Variants in GIGYF2 observed in about 807,000 individuals in gnomAD.
The protein encoded by GIGYF2 is GRB10-interacting GYF protein 2.
Under a neutral mutation model 208.1 loss-of-function variants are expected in GIGYF2, and 25 were observed. The observed-to-expected ratio is 0.12, with a 90% CI of 0.09 to 0.17. GIGYF2 has a LOEUF of 0.17. GIGYF2 is among the 10% of genes least tolerant of loss of function. The probability of loss-of-function intolerance (pLI) is 1.00; values close to 1 mark genes in which losing one functional copy is unlikely to be tolerated. For synonymous variants in GIGYF2, 534 were observed against 543.8 expected (o/e 0.98, Z 0.25); for missense variants, 1,302 against 1,579.4 (o/e 0.82, Z 2.98).
At chr2:232,833,753 G>T (rs1454302580) in intron 22 of GIGYF2, among the ~76,000 whole-genome samples, 1 of 152,150 alleles carries the variant, frequency 6.6e-6, no homozygotes, top group Non-Finnish European at 1.5e-5. Flanking sequence ...ATATAGGCAT[G>T]TAAACGTTCA....
chr2:232,716,583 C>T (rs951623210), intron 2 of GIGYF2, among the ~76,000 whole-genome samples: 1 of 151,828 alleles, frequency 6.6e-6, no homozygotes, highest in African/African-American at 2.4e-5. Flanking sequence ...GGGGTTTCAC[C>T]ATGTTGGCTC....
intron 18 of GIGYF2, among the ~76,000 whole-genome samples, chr2:232,813,920 C>T (rs1035895943): frequency 2.2e-4 from 31 of 139,240 alleles, no homozygotes; most frequent in African/African-American, 8.2e-4. Flanking sequence ...CAGAGTCTTG[C>T]CGTGTTGCTG....
chr2:232,816,712 A>G (rs1700923656), intron 19 of GIGYF2, among the ~76,000 whole-genome samples, 159 bp from the exon 20 acceptor site: 2 of 152,324 alleles, frequency 1.3e-5, no homozygotes, highest in South Asian at 2.1e-4. Context: ...TTGTATGTAT[A>G]TAACATATTT....
At chr2:232,823,880 A>T (rs1369513890) in intron 21 of GIGYF2, among the ~76,000 whole-genome samples, 2 of 152,110 alleles carry the variant, frequency 1.3e-5, no homozygotes, top group Non-Finnish European at 2.9e-5. Flanking sequence ...CCCTGCATCG[A>T]CCAAGTCTGT....
Position 232,806,399 on chromosome 2 carries a change from C to A in GIGYF2, c.1640-92C>A. Reference sequence around the variant, plus strand: ...GTATAAAACATTTTGACAGATGCCACCTCGATGAGAATCAGATGCAGGAAA... The same window carrying A: ...GTATAAAACATTTTGACAGATGCCAACTCGATGAGAATCAGATGCAGGAAA... On this transcript the variant is annotated intron_variant, in intron 14 of 28. Transcript: ENST00000373563. This position sits in a 1 kb window ranked among gnomAD's most constrained non-coding sequence, Gnocchi z 4.0. The A allele has an allele frequency of 1.1e-6, 1 of 903,324 alleles. No individual in the cohort carries two copies. Among genetic ancestry groups the A allele is most frequent in the East Asian group, 2.4e-5 (1 of 41,788 alleles). 56.0% of individuals were successfully genotyped at this position (903,324 alleles called of 1,614,324 possible).
intron 8 of GIGYF2, chr2:232,768,305 A>G (rs769488519): frequency 1.9e-6 from 3 of 1,614,212 alleles, no homozygotes; most frequent in Non-Finnish European, 2.5e-6. Context: ...TTGGAAATTC[A>G]GGGACAGTCT....
At chr2:232,840,012 C>G (rs370327959) in intron 23 of GIGYF2, 41 bp downstream of exon 23, 9 of 1,595,894 alleles carry the variant, frequency 5.6e-6, no homozygotes, top group Non-Finnish European at 6.9e-6. Context: ...AAGCGATGTT[C>G]CAGAATATCT....
rs1481933223 is a variant in GIGYF2, at chr2:232,850,249, G to A, written c.3685-13G>A. The stretch of plus-strand genomic sequence containing the variant: ...TCTGCTGTGTAATCTCAGTCATGCT[G>A]CTTATTTCACAGGACTCTGTGTGGG... On this transcript the variant is annotated splice_polypyrimidine_tract_variant and intron_variant, in intron 27 of 28. Transcript: ENST00000373563. 3.1e-6 allele frequency: 5 copies of A among 1,610,162 alleles called. No homozygotes were observed. Among genetic ancestry groups the A allele is most frequent in the Non-Finnish European group, 4.3e-6 (5 of 1,176,390 alleles).
chr2:232,787,039 A>T, intron 8 of GIGYF2, 111 bp from the exon 9 acceptor site: 1 of 768,554 alleles, frequency 1.3e-6, no homozygotes, highest in Admixed American at 2.0e-5. Context: ...TTTTTTCTGA[A>T]TATTGAAATG....
chr2:232,855,243 C>T (rs371498393), intron 28 of GIGYF2, among the ~76,000 whole-genome samples: 11 of 152,028 alleles, frequency 7.2e-5, no homozygotes, highest in African/African-American at 2.4e-4. Flanking sequence ...TGCAGCGCCA[C>T]GCCCAGCTAA....
At chr2:232,847,594 C>G (rs114366435) in intron 27 of GIGYF2, 23 bp downstream of exon 27, 15 of 1,611,216 alleles carry the variant, frequency 9.3e-6, no homozygotes, top group Middle Eastern at 2.1e-4. Context: ...GTGGTGTATG[C>G]GGTACCTCTG....
At chr2:232,776,333 C>T in intron 8 of GIGYF2, 2 of 751,950 alleles carry the variant, frequency 2.7e-6, no homozygotes, top group East Asian at 2.7e-5. Flanking sequence ...TAGATAATGT[C>T]TTTGTTTTAA....
intron 2 of GIGYF2, among the ~76,000 whole-genome samples, chr2:232,725,658 TA>T (rs1321247912): frequency 5.2e-4 from 79 of 152,376 alleles, no homozygotes; most frequent in Non-Finnish European, 1.5e-5. Context: ...CATTTTAGGA[TA>T]ATCTTCCCAG....
chr2:232,720,596 T>TTTTTG (rs1187528195), intron 2 of GIGYF2, among the ~76,000 whole-genome samples: 1 of 150,750 alleles, frequency 6.6e-6, no homozygotes, highest in Non-Finnish European at 1.5e-5. Context: ...TTTGTTTGTT[T>TTTTTG]GTTTGTTTGT....
chr2:232,837,676 G>A (rs548357491), intron 22 of GIGYF2, among the ~76,000 whole-genome samples: 1 of 152,018 alleles, frequency 6.6e-6, no homozygotes, highest in South Asian at 2.1e-4. Flanking sequence ...CCAGGCTGAT[G>A]TCAAACTCCT....
intron 14 of GIGYF2, among the ~76,000 whole-genome samples, chr2:232,803,595 T>C (rs1700463440): frequency 6.6e-6 from 1 of 152,138 alleles, no homozygotes; most frequent in South Asian, 2.1e-4. Flanking sequence ...TTAAATTGTT[T>C]TCTTTCACCT....
chr2:232,779,224 G>A (rs1005461296), intron 8 of GIGYF2, among the ~76,000 whole-genome samples: 16 of 152,056 alleles, frequency 1.1e-4, no homozygotes, highest in Non-Finnish European at 2.1e-4. Context: ...ACATTTCTTC[G>A]GTGAATGAAC....
At chr2:232,760,202 G>A (rs1574845576) in intron 6 of GIGYF2, 5 of 283,884 alleles carry the variant, frequency 1.8e-5, no homozygotes, top group Non-Finnish European at 6.7e-6. Flanking sequence ...TCAACTGTTC[G>A]TTAAAGAACT....
At chr2:232,840,720 A>G (rs1326833690) in intron 23 of GIGYF2, among the ~76,000 whole-genome samples, 1 of 152,164 alleles carries the variant, frequency 6.6e-6, no homozygotes, top group African/African-American at 2.4e-5. Flanking sequence ...GTAACAAGGG[A>G]AGGTGGGTAG....
Sources: allele counts gnomAD v4.1 joint callset (sites outside exome capture counted in the v4.1 genomes callset), GRCh38; gene constraint gnomAD v4.1.1; non-coding constraint Gnocchi (gnomAD v3.1); transcripts MANE v1.5; gene names NCBI Gene and HGNC (gene_info 2026-07-23, HGNC 2026-07-21).